Variants in ATP2C1 observed in about 807,000 individuals in gnomAD.
The protein encoded by ATP2C1 is ATPase secretory pathway Ca2+ transporting 1.
Under a neutral mutation model 120.5 loss-of-function variants are expected in ATP2C1, and 31 were observed. The observed-to-expected ratio is 0.26, with a 90% CI of 0.19 to 0.35. The LOEUF (loss-of-function observed/expected upper bound fraction) is 0.35, where lower values mean the gene tolerates loss of function less well. Ranked by LOEUF, ATP2C1 falls within the 10% of genes least tolerant of loss-of-function variation. The pLI is 1.00. For missense variants in ATP2C1, 731 were observed against 1,107.5 expected (o/e 0.66, Z 4.83); for synonymous variants, 351 against 358.7 (o/e 0.98, Z 0.24).
intron 20 of ATP2C1, among the ~76,000 whole-genome samples, chr3:130,982,531 G>C (rs2061814221): frequency 6.6e-6 from 1 of 152,138 alleles, no homozygotes; most frequent in South Asian, 2.1e-4. Flanking sequence ...TGACAGTTCA[G>C]ATTTCTTGGT....
intron 8 of ATP2C1, among the ~76,000 whole-genome samples, chr3:130,948,203 C>A (rs1223090459): frequency 6.6e-6 from 1 of 152,118 alleles, no homozygotes; most frequent in Non-Finnish European, 1.5e-5. Flanking sequence ...TTATTTCAGC[C>A]TAAAGGGCTG....
At position 130,894,303 on chromosome 3, in the gene ATP2C1, C is replaced by A; in HGVS notation, c.-215C>A. The A allele has an allele frequency of 1.0e-6, 1 of 987,236 alleles. No individual in the cohort carries two copies. Among genetic ancestry groups the A allele is most frequent in the Non-Finnish European group, 1.2e-6 (1 of 831,014 alleles). The allele number at this position is 987,236 out of a possible 1,614,324, so 61.2% of individuals were successfully genotyped here. A position where few individuals can be genotyped will look rare whatever the true frequency, so the allele number is the denominator to read the frequency against. ...CCCCCGCGAGCCCCGCGGCTGAGACCCCGCAGCCTGGAGGAGGGCTGTCCG... is the reference window on the plus strand; with the variant it reads ...CCCCCGCGAGCCCCGCGGCTGAGACACCGCAGCCTGGAGGAGGGCTGTCCG... On this transcript the variant is annotated 5_prime_UTR_variant, in exon 1 of 28. Coordinates refer to ENST00000510168, the MANE Select transcript of ATP2C1 (RefSeq NM_001378687.1). This position sits in a 1 kb window ranked among gnomAD's most constrained non-coding sequence, Gnocchi z 4.5.
At chr3:131,004,171 T>C (rs2063010884), downstream of ATP2C1, among the ~76,000 whole-genome samples, 5 of 152,338 alleles carry the variant, frequency 3.3e-5, no homozygotes, top group Admixed American at 3.3e-4. Flanking sequence ...TAGATTAAAA[T>C]GAGTCCAGTG....
chr3:130,878,380 G>C (rs1053159519), intron 1 of ATP2C1, among the ~76,000 whole-genome samples: 1 of 152,078 alleles, frequency 6.6e-6, no homozygotes, highest in South Asian at 2.1e-4. Context: ...AATGTTTTGT[G>C]TACCCTTTGT....
intron 7 of ATP2C1, 41 bp from the exon 8 acceptor site, chr3:130,941,550 T>TG: frequency 6.7e-7 from 1 of 1,481,488 alleles, no homozygotes; most frequent in South Asian, 1.2e-5. Flanking sequence ...TTGCATGAAT[T>TG]TTTTTTTTTT....
intron 1 of ATP2C1, among the ~76,000 whole-genome samples, chr3:130,888,486 C>T (rs2069054133): frequency 6.6e-6 from 1 of 152,190 alleles, no homozygotes. Flanking sequence ...GTGAGGCTTG[C>T]CAAAAAACTC....
chr3:130,855,513 G>A (rs181865648), intron 1 of ATP2C1, among the ~76,000 whole-genome samples: 2 of 152,268 alleles, frequency 1.3e-5, no homozygotes, highest in African/African-American at 2.4e-5. Context: ...GGGAAATCAT[G>A]TAGAGGAATT....
At chr3:130,908,999 A>G (rs1307655462) in intron 2 of ATP2C1, among the ~76,000 whole-genome samples, 1 of 152,198 alleles carries the variant, frequency 6.6e-6, no homozygotes, top group African/African-American at 2.4e-5. Flanking sequence ...CAAATGAAGA[A>G]TATTTAAGAA....
At chr3:130,987,888 C>T (rs775069244) in intron 20 of ATP2C1, among the ~76,000 whole-genome samples, 8 of 152,202 alleles carry the variant, frequency 5.3e-5, no homozygotes, top group Non-Finnish European at 1.2e-4. Flanking sequence ...TACTGAATCT[C>T]AGTTTTGCTT....
chr3:130,981,202 C>T (rs1437531399), intron 20 of ATP2C1, among the ~76,000 whole-genome samples: 2 of 152,144 alleles, frequency 1.3e-5, no homozygotes, highest in African/African-American at 4.8e-5. Flanking sequence ...GTGGTACCTT[C>T]TCCCCCTACT....
At chr3:130,891,297 A>G (rs2069158845), upstream of ATP2C1, among the ~76,000 whole-genome samples, 1 of 152,212 alleles carries the variant, frequency 6.6e-6, no homozygotes, top group African/African-American at 2.4e-5. Context: ...TGTACCATCC[A>G]GGTTTATAAA....
At chr3:130,986,338 G>A (rs565465496) in intron 20 of ATP2C1, among the ~76,000 whole-genome samples, 1 of 152,198 alleles carries the variant, frequency 6.6e-6, no homozygotes, top group South Asian at 2.1e-4. Context: ...TTTACCATTA[G>A]ACTTCTGCAT....
At chr3:131,007,467 A>G (rs75835852), downstream of ATP2C1, among the ~76,000 whole-genome samples, 761 of 152,312 alleles carry the variant, frequency 5.0e-3, 11 homozygotes, top group African/African-American at 0.017. Context: ...TTCTTAAGCA[A>G]TAGTTGCATT....
At chr3:130,875,136 C>T (rs989729524) in intron 1 of ATP2C1, among the ~76,000 whole-genome samples, 1 of 152,060 alleles carries the variant, frequency 6.6e-6, no homozygotes, top group Non-Finnish European at 1.5e-5. Flanking sequence ...GGGAACATTC[C>T]AAATCCTCTC....
In ATP2C1 at chr3:130,953,916, T is replaced by C; in HGVS notation, c.627T>C (p.Asp209=). 6.2e-7 allele frequency: 1 copy of C among 1,614,094 alleles called. No individual in the cohort carries two copies. Among genetic ancestry groups the C allele is most frequent in the Admixed American group, 1.7e-5 (1 of 60,004 alleles). ...CTCAGCCAGCTGCAACTAATGGAGA[T>C]CTTGCATCGAGAAGTAACATTGCCT... ...TAPQPAATNG[D]LASRSNIAFM... Residue 209 remains aspartate, a synonymous_variant, in exon 9 of 28, where the codon GAT becomes GAC. Transcript: ENST00000510168.
At chr3:130,931,155 G>A (rs753860401) in intron 3 of ATP2C1, among the ~76,000 whole-genome samples, 11 of 151,822 alleles carry the variant, frequency 7.2e-5, no homozygotes, top group Non-Finnish European at 1.3e-4. Flanking sequence ...TGTTGTTATT[G>A]TATTTATACT....
downstream of ATP2C1, among the ~76,000 whole-genome samples, chr3:131,005,471 A>G (rs995569118): frequency 3.3e-5 from 5 of 152,142 alleles, no homozygotes; most frequent in Admixed American, 6.6e-5. Context: ...AGAAAAGGAA[A>G]ATGGAAAAGA....
At chr3:130,937,492 A>G in intron 6 of ATP2C1, 29 bp downstream of exon 6, 1 of 1,597,870 alleles carries the variant, frequency 6.3e-7, no homozygotes, top group Non-Finnish European at 8.6e-7. Context: ...CAACATGAAA[A>G]TGGTATGTTA....
At chr3:130,859,636 G>A (rs1437868732) in intron 1 of ATP2C1, among the ~76,000 whole-genome samples, 4 of 152,146 alleles carry the variant, frequency 2.6e-5, no homozygotes, top group Non-Finnish European at 4.4e-5. Context: ...CCCTTCTGAA[G>A]GTGTTCCATC....
Sources: allele counts gnomAD v4.1 joint callset (sites outside exome capture counted in the v4.1 genomes callset), GRCh38; gene constraint gnomAD v4.1.1; non-coding constraint Gnocchi (gnomAD v3.1); transcripts MANE v1.5; gene names NCBI Gene and HGNC (gene_info 2026-07-23, HGNC 2026-07-21).